The following DCTN4 variants were observed in gnomAD, a reference collection of about 807,000 sequenced individuals.
DCTN4 encodes the protein dynactin subunit 4, also known as dynactin 4 (p62).
DCTN4 carries 23 observed loss-of-function variants against 62.7 expected under a neutral mutation model. The ratio of observed to expected loss-of-function variants is 0.37; its 90% CI spans 0.26 to 0.52. DCTN4 has a LOEUF of 0.52. Ranked by LOEUF, DCTN4 falls within the 20% of genes least tolerant of loss-of-function variation. DCTN4 has a pLI of 0.92. For missense variants in DCTN4, 514 were observed against 580.4 expected, an observed-to-expected ratio of 0.89 and a Z score of 1.18; for synonymous variants, 199 against 202.1, an observed-to-expected ratio of 0.98 and a Z score of 0.13.
intron 2 of DCTN4, among the ~76,000 whole-genome samples, chr5:150,755,312 T>C (rs1237130227): frequency 6.6e-6 from 1 of 152,174 alleles, no homozygotes; most frequent in Non-Finnish European, 1.5e-5. Context: ...ATGCAGATAG[T>C]CCTCAAGGAC....
intron 3 of DCTN4, 36 bp downstream of exon 3, chr5:150,753,443 T>C (rs1474243692): frequency 1.9e-6 from 3 of 1,591,306 alleles, no homozygotes; most frequent in Admixed American, 3.4e-5. Context: ...CACTGTCAAT[T>C]GTACAAAATT....
At chr5:150,720,739 C>A (rs1201427522) in intron 9 of DCTN4, among the ~76,000 whole-genome samples, 2 of 152,062 alleles carry the variant, frequency 1.3e-5, no homozygotes, top group Non-Finnish European at 2.9e-5. Context: ...TTGGCCTCCC[C>A]AAATGTTGAG....
chr5:150,753,182 C>T (rs1458672386), intron 3 of DCTN4, among the ~76,000 whole-genome samples: 1 of 152,072 alleles, frequency 6.6e-6, no homozygotes, highest in Non-Finnish European at 1.5e-5. Flanking sequence ...TTAGTTTTAT[C>T]CATGATGTCT....
At chr5:150,740,108 G>A (rs1172941696) in intron 4 of DCTN4, among the ~76,000 whole-genome samples, 1 of 152,098 alleles carries the variant, frequency 6.6e-6, no homozygotes, top group African/African-American at 2.4e-5. Context: ...CACAGCAAAT[G>A]AAATAATCAG....
Position 150,759,002 on chromosome 5 carries a change from G to A in DCTN4, c.-9C>T, listed in dbSNP as rs1311485738. The A allele has an allele frequency of 2.5e-6, 4 of 1,612,994 alleles. No homozygotes were observed. The highest frequency in any genetic ancestry group is 3.3e-5 in the Admixed American group (2 of 59,992). ...TGCAGCAAGGACGCCATCTTGGGGA[G>A]GGAGGAGGCGATGACGCTCCCGGCG... On this transcript the variant is annotated 5_prime_UTR_variant, in exon 1 of 13. Coordinates refer to ENST00000447998, the MANE Select transcript of DCTN4 (RefSeq NM_016221.4).
intron 6 of DCTN4, 75 bp downstream of exon 6, chr5:150,731,341 G>A (rs1240975030): frequency 7.9e-7 from 1 of 1,259,220 alleles, no homozygotes; most frequent in African/African-American, 1.5e-5. Flanking sequence ...GTGTGTGTGT[G>A]TTTTAATCTC....
In DCTN4 at chr5:150,715,638, C is replaced by T. The variant is rs755936574; in HGVS notation, c.1096G>A (p.Val366Ile). The T allele has an allele frequency of 1.5e-5, 24 of 1,614,018 alleles. No individual in the cohort carries two copies. The highest frequency in any genetic ancestry group is 3.3e-5 in the Admixed American group (2 of 60,002). The stretch of plus-strand genomic sequence containing the variant: ...GCTGCTGCATCCTTGCCAGCTAAAA[C>T]GAGCTCTTTGGGAGGCACCACCACC... ...AKVVVPPKEL[V>I]LAGKDAAAEY... Residue 366 changes from valine to isoleucine, a missense_variant, in exon 12 of 13, where the codon GTT (valine) becomes ATT (isoleucine). Coordinates refer to ENST00000447998, the MANE Select transcript of DCTN4 (RefSeq NM_016221.4).
intron 2 of DCTN4, among the ~76,000 whole-genome samples, chr5:150,754,434 A>G (rs1029933955): frequency 1.3e-5 from 2 of 152,228 alleles, no homozygotes; most frequent in East Asian, 3.8e-4. Flanking sequence ...AGTATACAAA[A>G]CAGTATCTGG....
chr5:150,713,946 A>G (rs2151466658), intron 12 of DCTN4, among the ~76,000 whole-genome samples: 1 of 151,700 alleles, frequency 6.6e-6, no homozygotes, highest in African/African-American at 2.4e-5. Context: ...GCAAAACCCC[A>G]TCTCTACTAA....
intron 5 of DCTN4, 107 bp from the exon 6 acceptor site, chr5:150,731,596 C>CAA: frequency 1.2e-6 from 1 of 823,068 alleles, no homozygotes; most frequent in Non-Finnish European, 1.9e-6. Flanking sequence ...GGGAAATAAG[C>CAA]AAAAAAAAAG....
chr5:150,721,635 C>T (rs1471563841), intron 9 of DCTN4, among the ~76,000 whole-genome samples: 1 of 152,122 alleles, frequency 6.6e-6, no homozygotes, highest in Non-Finnish European at 1.5e-5. Context: ...TTTGAAATTC[C>T]TTTCCCATAA....
At chr5:150,756,549 G>T in intron 1 of DCTN4, 62 bp from the exon 2 acceptor site, 1 of 1,059,934 alleles carries the variant, frequency 9.4e-7, no homozygotes. Flanking sequence ...TTGTGTATAT[G>T]TCTTGTCAAA....
At chr5:150,731,190 A>T (rs1048310787) in intron 6 of DCTN4, 34 bp from the exon 7 acceptor site, 1 of 1,428,284 alleles carries the variant, frequency 7.0e-7, no homozygotes, top group Non-Finnish European at 9.9e-7. Flanking sequence ...AAAACAAAAC[A>T]AAAGAGTAAT....
At chr5:150,725,929 T>G (rs1391543088) in intron 8 of DCTN4, among the ~76,000 whole-genome samples, 1 of 152,104 alleles carries the variant, frequency 6.6e-6, no homozygotes, top group Non-Finnish European at 1.5e-5. Flanking sequence ...TTGAGACAAG[T>G]TTTGCTCTTG....
At chr5:150,747,308 G>A (rs1419141029) in intron 3 of DCTN4, among the ~76,000 whole-genome samples, 5 of 152,246 alleles carry the variant, frequency 3.3e-5, no homozygotes, top group African/African-American at 1.2e-4. Flanking sequence ...ACAAATGGAA[G>A]AACATTCCAT....
At chr5:150,758,348 G>C in intron 1 of DCTN4, 1 of 986,218 alleles carries the variant, frequency 1.0e-6, no homozygotes, top group South Asian at 4.6e-5. Flanking sequence ...AACTCACGCC[G>C]CCCCAACCTC....
intron 3 of DCTN4, among the ~76,000 whole-genome samples, chr5:150,743,737 G>T (rs1053806054): frequency 6.6e-6 from 1 of 152,278 alleles, no homozygotes; most frequent in Non-Finnish European, 1.5e-5. Context: ...TGCAGCTGAG[G>T]GTCCTGTCTG....
In DCTN4 at chr5:150,729,047, T is replaced by C. The variant is rs1477780594; in HGVS notation, c.834+1584A>G. Among the ~76,000 whole-genome samples the C allele has an allele frequency of 1.6e-3, 186 of 117,218 alleles. 7 individuals carry two copies. Among genetic ancestry groups the C allele is most frequent in the South Asian group, 6.1e-3 (21 of 3,442 alleles). 76.9% of individuals were successfully genotyped at this position (117,218 alleles called of 152,430 possible). A position where few individuals can be genotyped will look rare whatever the true frequency, so the allele number is the denominator to read the frequency against. On this transcript the variant is annotated intron_variant, in intron 8 of 12. Transcript: ENST00000447998. ...TGTGTGAACCACCACACTGGCTTTT[T>C]TTTTTTTTTTTTTTTTTTTTTTTTT...
intron 1 of DCTN4, chr5:150,757,774 C>T (rs917276504): frequency 2.0e-4 from 30 of 152,246 alleles, no homozygotes; most frequent in African/African-American, 6.5e-4. Context: ...TTATTAATAA[C>T]ACATAAAATG....
Sources: gnomAD v4.1 joint callset for allele counts (sites outside exome capture counted in the v4.1 genomes callset) on GRCh38, gnomAD v4.1.1 for gene constraint, MANE v1.5 for transcripts, NCBI Gene and HGNC (gene_info 2026-07-23, HGNC 2026-07-21) for gene names.